FLACC1: variants seen among roughly 807,000 people sequenced by gnomAD.
FLACC1 encodes flagellum associated containing coiled-coil domains 1.
A neutral mutation model predicts 62.8 loss-of-function variants in FLACC1; 66 were observed. The ratio of observed to expected loss-of-function variants is 1.05; its 90% CI spans 0.86 to 1.29. FLACC1 has a LOEUF of 1.29. FLACC1 is among the 50% of genes most tolerant of loss of function. The pLI is 0.00. For missense variants in FLACC1, 452 were observed against 489.1 expected (o/e 0.92, Z 0.71); for synonymous variants, 156 against 161.0 (o/e 0.97, Z 0.24).
upstream of FLACC1, among the ~76,000 whole-genome samples, chr2:201,360,013 T>G (rs11681616): frequency 0.42 from 63,648 of 151,726 alleles, 14,131 homozygotes; most frequent in South Asian, 0.54. Flanking sequence ...AGGAAGTAAG[T>G]GCTGAAGGAA....
intron 12 of FLACC1, among the ~76,000 whole-genome samples, chr2:201,295,763 C>A (rs1316009739): frequency 6.6e-6 from 1 of 152,168 alleles, no homozygotes; most frequent in African/African-American, 2.4e-5. Flanking sequence ...ACCTACTCAT[C>A]TGACAAAGGG....
At chr2:201,363,216 C>A in the FLACC1 span, among the ~76,000 whole-genome samples, 14 of 151,944 alleles carry the variant, frequency 9.2e-5, no homozygotes, top group South Asian at 2.7e-3. Context: ...GGCAGATCTC[C>A]AGGTATCTGG....
chr2:201,348,156 T>C (rs1950954778), intron 4 of FLACC1, 98 bp downstream of exon 4: 1 of 1,218,872 alleles, frequency 8.2e-7, no homozygotes. Flanking sequence ...TTTGTGAAGA[T>C]TCGACAAGGT....
At chr2:201,344,401 A>G in intron 5 of FLACC1, 138 bp from the exon 6 acceptor site, 1 of 493,514 alleles carries the variant, frequency 2.0e-6, no homozygotes, top group Non-Finnish European at 3.8e-6. Flanking sequence ...CTCTATCATT[A>G]TGGGGTGGGG....
rs1441806270 is a variant in FLACC1 at position 201,354,621 on chromosome 2, A to C, written c.-48+2361T>G. ...GATGGGATCGAGTGCCCAGGTGGGAAGATGATGCTACAAGGGGCTGGAATT... is the reference window on the plus strand; with the variant it reads ...GATGGGATCGAGTGCCCAGGTGGGACGATGATGCTACAAGGGGCTGGAATT... On this transcript the variant is annotated intron_variant, in intron 1 of 14. Coordinates refer to ENST00000392257, the MANE Select transcript of FLACC1 (RefSeq NM_001127391.3). 2.0e-5 allele frequency among the ~76,000 whole-genome samples: 3 copies of C among 152,286 alleles called. No homozygotes were observed. In the East Asian group the frequency reaches 5.8e-4, roughly 29 times the overall value.
intron 11 of FLACC1, among the ~76,000 whole-genome samples, chr2:201,302,393 C>T (rs865790943): frequency 5.3e-5 from 8 of 152,150 alleles, no homozygotes; most frequent in Non-Finnish European, 1.0e-4. Flanking sequence ...ATCCTAAATA[C>T]ATATGCACCC....
At chr2:201,301,639 C>G (rs1259454596) in intron 11 of FLACC1, among the ~76,000 whole-genome samples, 2 of 152,154 alleles carry the variant, frequency 1.3e-5, no homozygotes, top group African/African-American at 4.8e-5. Flanking sequence ...TCAGATTCAC[C>G]AAAGTTGAAA....
At position 201,354,728 on chromosome 2, in the gene FLACC1, C is replaced by T. The variant is rs80097128; in HGVS notation, c.-48+2254G>A. Among the ~76,000 whole-genome samples, 327 of 152,260 alleles carry T rather than the reference C, an allele frequency of 2.1e-3. 1 individual carries two copies. The highest frequency in any genetic ancestry group is 6.8e-3 in the Middle Eastern group (2 of 294). ...TAGAACCTTGTATCTGCTTCCTGTA[C>T]GAAAGGAGCCAACCCTGAACTTGGG... On this transcript the variant is annotated intron_variant, in intron 1 of 14. Transcript: ENST00000392257.
chr2:201,347,402 C>T (rs1205355076), intron 4 of FLACC1, among the ~76,000 whole-genome samples: 1 of 152,196 alleles, frequency 6.6e-6, no homozygotes, highest in African/African-American at 2.4e-5. Context: ...GGGCTCTGGC[C>T]TCTCTGCCTT....
At chr2:201,358,180 G>C (rs1438687960), upstream of FLACC1, among the ~76,000 whole-genome samples, 2 of 152,176 alleles carry the variant, frequency 1.3e-5, no homozygotes, top group African/African-American at 4.8e-5. Context: ...ATACAACTTA[G>C]AGACCAATGA....
Position 201,335,998 on chromosome 2 carries a change from TC to T in FLACC1, c.525-5166del, listed in dbSNP as rs1252605134. On this transcript the variant is annotated intron_variant, in intron 7 of 14. Transcript: ENST00000392257. ...TATATAGAAATACTACTAATTTTTT[TC>T]TTTTTCCGTTTTTATTTTAGGTTTA... Among the ~76,000 whole-genome samples the T allele has an allele frequency of 3.8e-4, 58 of 152,238 alleles. 2 individuals carry two copies.
intron 9 of FLACC1, among the ~76,000 whole-genome samples, chr2:201,322,097 TG>T (rs1950414649): frequency 6.6e-6 from 1 of 151,820 alleles, no homozygotes; most frequent in Admixed American, 6.6e-5. Flanking sequence ...GGTGAAACCC[TG>T]TCTCTACTAA....
At chr2:201,294,721 G>A (rs1353465351) in intron 12 of FLACC1, among the ~76,000 whole-genome samples, 1 of 152,184 alleles carries the variant, frequency 6.6e-6, no homozygotes, top group Non-Finnish European at 1.5e-5. Context: ...AGGAAAAGAG[G>A]AAGTCAAATT....
chr2:201,350,834 C>T (rs547720995), intron 2 of FLACC1, 52 bp from the exon 3 acceptor site: 4 of 1,496,706 alleles, frequency 2.7e-6, no homozygotes, highest in Non-Finnish European at 3.7e-6. Flanking sequence ...ATTCGGAAAC[C>T]CTTTTTAACA....
At chr2:201,302,099 G>A (rs1278753932) in intron 11 of FLACC1, among the ~76,000 whole-genome samples, 2 of 152,198 alleles carry the variant, frequency 1.3e-5, no homozygotes, top group Non-Finnish European at 2.9e-5. Flanking sequence ...AACCTTAAAT[G>A]TAAATGGGCT....
At chr2:201,334,861 G>A (rs921681674) in intron 7 of FLACC1, among the ~76,000 whole-genome samples, 4 of 151,486 alleles carry the variant, frequency 2.6e-5, no homozygotes, top group Admixed American at 2.0e-4. Flanking sequence ...AATCTGAGAA[G>A]AATTGATGTT....
At chr2:201,324,422 A>G (rs1559404194) in intron 9 of FLACC1, among the ~76,000 whole-genome samples, 1 of 152,242 alleles carries the variant, frequency 6.6e-6, no homozygotes, top group East Asian at 1.9e-4. Flanking sequence ...ATACTTTAAT[A>G]TACCACTGAC....
At chr2:201,289,120 C>CA (rs774339529) in intron 14 of FLACC1, among the ~76,000 whole-genome samples, 13 of 151,634 alleles carry the variant, frequency 8.6e-5, no homozygotes, top group Non-Finnish European at 1.5e-4. Context: ...CATGTAATGG[C>CA]AAGACCATCA....
chr2:201,312,517 G>A (rs1950235462), intron 9 of FLACC1, among the ~76,000 whole-genome samples: 1 of 152,144 alleles, frequency 6.6e-6, no homozygotes, highest in Non-Finnish European at 1.5e-5. Flanking sequence ...GAGATTAAAT[G>A]CTATTCCTGT....
Sources: gnomAD v4.1 joint callset for allele counts (sites outside exome capture counted in the v4.1 genomes callset) on GRCh38, gnomAD v4.1.1 for gene constraint, MANE v1.5 for transcripts, NCBI Gene and HGNC (gene_info 2026-07-23, HGNC 2026-07-21) for gene names.